The following KIF26A variants were observed in gnomAD, a reference collection of about 807,000 sequenced individuals.
The protein encoded by KIF26A is kinesin family member 26A, also known as kinesin-like protein KIF26A.
Under a neutral mutation model 126.0 loss-of-function variants are expected in KIF26A, and 74 were observed. That is an observed-to-expected ratio of 0.59 (90% CI 0.49 to 0.71). The LOEUF is 0.71. Ranked by LOEUF, KIF26A falls within the 30% of genes least tolerant of loss-of-function variation. KIF26A has a pLI of 0.00. For missense variants in KIF26A, 2,984 were observed against 2,763.3 expected, an observed-to-expected ratio of 1.08 and a Z score of -1.79; for synonymous variants, 1,445 against 1,232.7, an observed-to-expected ratio of 1.17 and a Z score of -3.61.
chr14:104,159,993 G>T (rs867207254), intron 4 of KIF26A, among the ~76,000 whole-genome samples: 1 of 152,154 alleles, frequency 6.6e-6, no homozygotes, highest in African/African-American at 2.4e-5. Context: ...TCTTGGGCAC[G>T]TGCTGAGGGT....
At chr14:104,179,418 G>GC (rs35751202) in intron 14 of KIF26A, 32 bp downstream of exon 14, 306,688 of 1,469,944 alleles carry the variant, frequency 0.21, 34,113 homozygotes, top group Middle Eastern at 0.26. Context: ...ACCCAGCCCG[G>GC]CCCACCGTGT....
intron 4 of KIF26A, among the ~76,000 whole-genome samples, chr14:104,165,313 GTC>G (rs1255382613): frequency 6.6e-6 from 1 of 150,460 alleles, no homozygotes; most frequent in Non-Finnish European, 1.5e-5. Flanking sequence ...GTGTCTGTGT[GTC>G]TCTATGCATG....
At chr14:104,153,139 G>T (rs1459057958) in intron 3 of KIF26A, among the ~76,000 whole-genome samples, 2 of 152,144 alleles carry the variant, frequency 1.3e-5, no homozygotes, top group Non-Finnish European at 2.9e-5. Flanking sequence ...AGGCCAGGCA[G>T]ACCCTGCCCT....
In KIF26A at chr14:104,179,903, C is replaced by G; in HGVS notation, c.*113C>G. On this transcript the variant is annotated 3_prime_UTR_variant, in exon 15 of 15. Coordinates refer to ENST00000423312, the MANE Select transcript of KIF26A (RefSeq NM_015656.2). Reference sequence around the variant, plus strand: ...GGGAGGATGCGGAGGGGTTTCTGTGCAGGACGGGAGTCTCAGAGAGGAGAC... The same window carrying G: ...GGGAGGATGCGGAGGGGTTTCTGTGGAGGACGGGAGTCTCAGAGAGGAGAC... 2 of 1,134,868 alleles carry G rather than the reference C, an allele frequency of 1.8e-6. No homozygotes were observed. The highest frequency in any genetic ancestry group is 2.4e-6 in the Non-Finnish European group (2 of 826,802). The allele number at this position is 1,134,868 out of a possible 1,614,324, so 70.3% of individuals were successfully genotyped here. A position where few individuals can be genotyped will look rare whatever the true frequency, so the allele number is the denominator to read the frequency against.
At chr14:104,143,232 G>A (rs548526571) in intron 2 of KIF26A, among the ~76,000 whole-genome samples, 2 of 152,340 alleles carry the variant, frequency 1.3e-5, no homozygotes, top group East Asian at 3.9e-4. Flanking sequence ...GCCTGCTGGT[G>A]CCACGCAGCT....
At chr14:104,149,559 G>C (rs1156273055) in intron 2 of KIF26A, among the ~76,000 whole-genome samples, 1 of 152,152 alleles carries the variant, frequency 6.6e-6, no homozygotes, top group Non-Finnish European at 1.5e-5. Context: ...GGATAGGGCT[G>C]GGGCCTCCCT....
intron 3 of KIF26A, among the ~76,000 whole-genome samples, chr14:104,156,155 A>G (rs1179995834): frequency 6.6e-6 from 1 of 152,188 alleles, no homozygotes; most frequent in Non-Finnish European, 1.5e-5. Context: ...GCTCTGCTCC[A>G]GGGGCTCAGG....
intron 2 of KIF26A, among the ~76,000 whole-genome samples, chr14:104,145,810 G>C (rs1237952877): frequency 1.3e-5 from 2 of 152,174 alleles, no homozygotes; most frequent in African/African-American, 4.8e-5. Flanking sequence ...TAGCCTGTGG[G>C]GGCTGCCCTG....
rs1547350 is a variant in KIF26A at position 104,179,989 on chromosome 14, A to C, written c.*199A>C. 0.54 allele frequency: 271,599 copies of C among 507,532 alleles called. 74,202 individuals are homozygous for C. Among genetic ancestry groups the C allele is most frequent in the Admixed American group, 0.67 (17,608 of 26,270 alleles). 31.4% of individuals were successfully genotyped at this position (507,532 alleles called of 1,614,324 possible). On this transcript the variant is annotated 3_prime_UTR_variant, in exon 15 of 15. Transcript: ENST00000423312. Reference sequence around the variant, plus strand: ...ACAGAGCGAGGGTGCCAGGGTGACCAGAAGACCGTCACCACCCGACAGCAA... The same window carrying C: ...ACAGAGCGAGGGTGCCAGGGTGACCCGAAGACCGTCACCACCCGACAGCAA...
In KIF26A at chr14:104,180,549, A is replaced by G. The variant is rs546051836; in HGVS notation, c.*759A>G. 6.5e-6 allele frequency: 1 copy of G among 152,682 alleles called. No homozygotes were observed. Among genetic ancestry groups the G allele is most frequent in the South Asian group, 2.1e-4 (1 of 4,838 alleles). The allele number at this position is 152,682 out of a possible 1,614,324, so 9.5% of individuals were successfully genotyped here. On this transcript the variant is annotated 3_prime_UTR_variant, in exon 15 of 15. Coordinates refer to ENST00000423312, the MANE Select transcript of KIF26A (RefSeq NM_015656.2). ...AAGGTTCTGTTAGGTTCATATTTTT[A>G]TATCATTTTGCCCATAAATGCGGAA...
chr14:104,139,451 C>T (rs1369735550), intron 2 of KIF26A, among the ~76,000 whole-genome samples, 163 bp downstream of exon 2: 4 of 152,244 alleles, frequency 2.6e-5, no homozygotes, highest in Non-Finnish European at 5.9e-5. Flanking sequence ...GTTTCCCGGT[C>T]TGTAACACCA....
intron 4 of KIF26A, among the ~76,000 whole-genome samples, chr14:104,165,567 CTGTATG>C (rs2037884530): frequency 7.0e-6 from 1 of 143,172 alleles, no homozygotes; most frequent in Admixed American, 6.8e-5. Context: ...CTGTGTGTTT[CTGTATG>C]CATGTGTGTG....
chr14:104,159,410 C>CA (rs1459675336), intron 4 of KIF26A, among the ~76,000 whole-genome samples: 1 of 152,234 alleles, frequency 6.6e-6, no homozygotes, highest in Non-Finnish European at 1.5e-5. Context: ...CTCCAGTGCT[C>CA]AGAGCTCCCC....
chr14:104,150,117 C>G (rs536636865), intron 2 of KIF26A, among the ~76,000 whole-genome samples: 4 of 147,620 alleles, frequency 2.7e-5, no homozygotes, highest in South Asian at 2.3e-4. Flanking sequence ...GGGCCCTCCC[C>G]CTCCTGGTCC....
intron 4 of KIF26A, among the ~76,000 whole-genome samples, chr14:104,166,000 ACT>A (rs1396087075): frequency 2.0e-5 from 3 of 151,702 alleles, no homozygotes; most frequent in East Asian, 1.9e-4. Flanking sequence ...GCTTTGGGAG[ACT>A]CTGCACCTTC....
Position 104,177,250 on chromosome 14 carries a change from G to T in KIF26A, c.4462G>T (p.Val1488Leu). ...PACRSGAAKAVGAPKPPVGGG... is the reference protein window; with the variant it reads ...PACRSGAAKALGAPKPPVGGG... Reference sequence around the variant, plus strand: ...CTGTAGGAGCGGCGCAGCCAAGGCTGTGGGGGCCCCCAAGCCCCCTGTTGG... The same window carrying T: ...CTGTAGGAGCGGCGCAGCCAAGGCTTTGGGGGCCCCCAAGCCCCCTGTTGG... Residue 1488 changes from valine (V) to leucine (L), a missense_variant, in exon 12 of 15, where the codon GTG becomes TTG. Coordinates refer to ENST00000423312, the MANE Select transcript of KIF26A (RefSeq NM_015656.2). The T allele has an allele frequency of 6.3e-7, 1 of 1,596,968 alleles. No individual in the cohort carries two copies. Among genetic ancestry groups the T allele is most frequent in the Non-Finnish European group, 8.5e-7 (1 of 1,175,394 alleles).
At chr14:104,170,468 C>T (rs1008057087) in intron 5 of KIF26A, among the ~76,000 whole-genome samples, 2 of 152,236 alleles carry the variant, frequency 1.3e-5, no homozygotes, top group African/African-American at 4.8e-5. Flanking sequence ...TGCGAACTAC[C>T]CATGGTAAAC....
chr14:104,144,082 C>T (rs1484691271), intron 2 of KIF26A, among the ~76,000 whole-genome samples: 2 of 152,222 alleles, frequency 1.3e-5, no homozygotes, highest in Non-Finnish European at 2.9e-5. Flanking sequence ...GCTTTCTCTT[C>T]CCTGGACAGG....
rs201089132 is a variant in KIF26A, at chr14:104,178,705, G to T, written c.5266G>T (p.Val1756Leu). Residue 1756 changes from valine to leucine, a missense_variant, in exon 13 of 15, where the codon GTG becomes TTG. Transcript: ENST00000423312. ...FEIKVYEIDDVERLQRPRPTP... is the reference protein window; with the variant it reads ...FEIKVYEIDDLERLQRPRPTP... Reference sequence around the variant, plus strand: ...GATCAAGGTGTACGAGATCGATGACGTGGAGCGCCTTCAGCGGCCCCGCCC... The same window carrying T: ...GATCAAGGTGTACGAGATCGATGACTTGGAGCGCCTTCAGCGGCCCCGCCC... 1.3e-6 allele frequency: 2 copies of T among 1,562,300 alleles called. No homozygotes were observed. The highest frequency in any genetic ancestry group is 2.4e-5 in the East Asian group (1 of 41,914).
Sources: gnomAD v4.1 joint callset for allele counts (sites outside exome capture counted in the v4.1 genomes callset) on GRCh38, gnomAD v4.1.1 for gene constraint, MANE v1.5 for transcripts, NCBI Gene and HGNC (gene_info 2026-07-23, HGNC 2026-07-21) for gene names.